Variants in NBEA observed in about 807,000 individuals in gnomAD.
NBEA encodes the protein neurobeachin, also known as lysosomal-trafficking regulator 2.
Under a neutral mutation model 343.4 loss-of-function variants are expected in NBEA, and 44 were observed. That is an observed-to-expected ratio of 0.13 (90% CI 0.10 to 0.16). NBEA has a LOEUF of 0.16. NBEA is among the 10% of genes least tolerant of loss of function. NBEA has a pLI of 1.00. For synonymous variants in NBEA, 1,175 were observed against 1,238.7 expected, an observed-to-expected ratio of 0.95 and a Z score of 1.08; for missense variants, 2,555 against 3,631.3, an observed-to-expected ratio of 0.70 and a Z score of 7.62.
chr13:35,429,725 G>A (rs2044960814), intron 38 of NBEA, among the ~76,000 whole-genome samples: 1 of 151,804 alleles, frequency 6.6e-6, no homozygotes, highest in African/African-American at 2.4e-5. Context: ...CCCATCACCT[G>A]AGCAGTGTAC....
At chr13:35,200,994 A>G (rs1438280205) in intron 31 of NBEA, among the ~76,000 whole-genome samples, 1 of 32,572 alleles carries the variant, frequency 3.1e-5, no homozygotes, top group Non-Finnish European at 7.5e-5. Context: ...GAAGACTTCA[A>G]TTTGTTCTTA....
At chr13:35,408,055 C>T (rs1415803872) in intron 38 of NBEA, among the ~76,000 whole-genome samples, 1 of 152,106 alleles carries the variant, frequency 6.6e-6, no homozygotes, top group African/African-American at 2.4e-5. Context: ...ATAGCCAATG[C>T]AATCATAAGC....
chr13:35,247,985 C>A (rs2031454842), intron 34 of NBEA, among the ~76,000 whole-genome samples: 2 of 152,072 alleles, frequency 1.3e-5, no homozygotes, highest in African/African-American at 2.4e-5. Context: ...CTATGAATAA[C>A]TTTATGCCAA....
intron 34 of NBEA, among the ~76,000 whole-genome samples, chr13:35,235,471 G>A (rs2075183233): frequency 6.6e-6 from 1 of 152,104 alleles, no homozygotes. Flanking sequence ...ATAAAACAGG[G>A]AATAAAGTTA....
intron 39 of NBEA, among the ~76,000 whole-genome samples, chr13:35,433,418 T>G (rs2045242863): frequency 6.6e-6 from 1 of 152,042 alleles, no homozygotes; most frequent in Non-Finnish European, 1.5e-5. Context: ...CATCTGTTTT[T>G]AAAATTTAAA....
At chr13:35,550,180 A>G (rs1384672147) in intron 41 of NBEA, among the ~76,000 whole-genome samples, 1 of 152,230 alleles carries the variant, frequency 6.6e-6, no homozygotes, top group Non-Finnish European at 1.5e-5. Context: ...TATGTCTCAC[A>G]GGTGGTCACC....
chr13:35,326,821 G>A (rs1594229202), intron 36 of NBEA, among the ~76,000 whole-genome samples: 1 of 151,888 alleles, frequency 6.6e-6, no homozygotes, highest in East Asian at 1.9e-4. Context: ...CCAGCACAGT[G>A]AAAGTAACTG....
rs1293230568 is a variant in NBEA, at chr13:35,159,452, C to T, written c.3281C>T (p.Ser1094Phe). Residue 1094 changes from serine (S) to phenylalanine (F), a missense_variant, in exon 22 of 59, where the codon TCT becomes TTT. By Grantham distance (155) the Ser-to-Phe change is radical. This residue lies in a region of NBEA where 367 missense variants were observed against 377.5 expected (regional missense o/e 0.97). Coordinates refer to ENST00000379939, the MANE Select transcript of NBEA (RefSeq NM_001385012.1). ...GENGALVEVE[S>F]LLDNVYSAAV... ...AATGGTGCCCTTGTGGAGGTTGAATCTCTGTTGGATAATGTATATAGTGCT... is the reference window on the plus strand; with the variant it reads ...AATGGTGCCCTTGTGGAGGTTGAATTTCTGTTGGATAATGTATATAGTGCT... 6.2e-7 allele frequency: 1 copy of T among 1,613,194 alleles called. No homozygotes were observed. Among genetic ancestry groups the T allele is most frequent in the East Asian group, 2.2e-5 (1 of 44,814 alleles).
chr13:34,972,710 T>C (rs2060038459), intron 1 of NBEA, among the ~76,000 whole-genome samples: 1 of 152,214 alleles, frequency 6.6e-6, no homozygotes, highest in Admixed American at 6.5e-5. Flanking sequence ...TTTCAATTCT[T>C]TTGCATTTCC....
intron 48 of NBEA, among the ~76,000 whole-genome samples, chr13:35,626,784 A>G (rs888686690): frequency 2.0e-5 from 3 of 151,024 alleles, no homozygotes; most frequent in African/African-American, 7.3e-5. Context: ...TTTCAGACTC[A>G]TTTCCTGTGT....
chr13:35,165,843 C>A (rs1170923360), intron 24 of NBEA, among the ~76,000 whole-genome samples: 1 of 151,884 alleles, frequency 6.6e-6, no homozygotes, highest in Admixed American at 6.6e-5. Context: ...CACCACCACA[C>A]CCAGCTAATT....
At position 35,253,321 on chromosome 13, in the gene NBEA, T is replaced by C. The variant is rs545766556; in HGVS notation, c.5776+20702T>C. Among the ~76,000 whole-genome samples, 60 of 152,364 alleles carry C rather than the reference T, an allele frequency of 3.9e-4. 1 individual carries two copies. The South Asian group carries it at 0.012, about 31-fold the overall frequency. ...TACTGGCACCACTTTTCCAAAAACG[T>C]GCTCACTTCGTGTCTCTTTGTTGGC... On this transcript the variant is annotated intron_variant, in intron 34 of 58. Transcript: ENST00000379939.
chr13:35,408,897 G>T (rs756937959), intron 38 of NBEA, among the ~76,000 whole-genome samples: 9 of 152,148 alleles, frequency 5.9e-5, no homozygotes, highest in Admixed American at 2.0e-4. Context: ...GTACATTGTG[G>T]GAGTGTAAGT....
At position 35,118,466 on chromosome 13, in the gene NBEA, TG is replaced by T; in HGVS notation, c.2237del (p.Gly746GlufsTer2). On this transcript the variant is annotated frameshift_variant, in exon 16 of 59. Transcript: ENST00000379939. LOFTEE classifies it high-confidence loss of function. ...TGATACCAGCATTTGATCAAAGAAA[TG>T]GAATAAGGTATGATTATAATATTAG... is the stretch of plus-strand genomic sequence containing the variant. ...SMIPAFDQRN[G>X]IRVIYKLLAS... 6.3e-7 allele frequency: 1 copy of T among 1,592,900 alleles called. No homozygotes were observed. Among genetic ancestry groups the T allele is most frequent in the South Asian group, 1.1e-5 (1 of 88,136 alleles).
intron 36 of NBEA, among the ~76,000 whole-genome samples, chr13:35,334,020 C>T (rs2039090338): frequency 6.6e-6 from 1 of 152,044 alleles, no homozygotes; most frequent in African/African-American, 2.4e-5. Context: ...GTGTAGATAA[C>T]TCTTCCGTAG....
rs1260096265 is a variant in NBEA at position 35,474,718 on chromosome 13, G to GC, written c.6585+2183dup. 2.2e-5 allele frequency: 5 copies of GC among 222,506 alleles called. No homozygotes were observed. In the Admixed American group the frequency reaches 2.6e-4, roughly 11 times the overall value. 13.8% of individuals were successfully genotyped at this position (222,506 alleles called of 1,614,324 possible). A position where few individuals can be genotyped will look rare whatever the true frequency, so the allele number is the denominator to read the frequency against. The stretch of plus-strand genomic sequence containing the variant: ...CAGATGCACCTAAATCACCAGGATT[G>GC]CTATAATCCTTTGATAGTTAGGCAG... On this transcript the variant is annotated intron_variant, in intron 41 of 58. Transcript: ENST00000379939.
chr13:35,069,826 T>C lies in NBEA; in HGVS notation c.1240-82T>C, dbSNP rs1429671779. Reference sequence around the variant, plus strand: ...GAAAGGTACACAAGTAGTTTATTATTGTAAATGTTTCTCTGCTTTAAAACT... The same window carrying C: ...GAAAGGTACACAAGTAGTTTATTATCGTAAATGTTTCTCTGCTTTAAAACT... On this transcript the variant is annotated intron_variant, in intron 8 of 58. Coordinates refer to ENST00000379939, the MANE Select transcript of NBEA (RefSeq NM_001385012.1). The C allele has an allele frequency of 1.0e-5, 10 of 974,102 alleles. No homozygotes were observed. In the Admixed American group the frequency reaches 2.7e-4, roughly 27 times the overall value. The allele number at this position is 974,102 out of a possible 1,614,324, so 60.3% of individuals were successfully genotyped here.
At chr13:35,217,149 T>C (rs1245453214) in intron 33 of NBEA, among the ~76,000 whole-genome samples, 1 of 151,990 alleles carries the variant, frequency 6.6e-6, no homozygotes, top group African/African-American at 2.4e-5. Flanking sequence ...CATCTTTTCT[T>C]GTGTTTATTT....
rs150804124 is a variant in NBEA at position 35,594,365 on chromosome 13, C to T, written c.7296+918C>T. 5.8e-3 allele frequency among the ~76,000 whole-genome samples: 882 copies of T among 152,088 alleles called. 4 individuals are homozygous for T. The highest frequency in any genetic ancestry group is 0.018 in the African/African-American group (742 of 41,504). ...TCTATTGCAAAACATTTGTAAAAGG[C>T]AATTTCAGTGTTACTGAACTGTAAT... On this transcript the variant is annotated intron_variant, in intron 47 of 58. Coordinates refer to ENST00000379939, the MANE Select transcript of NBEA (RefSeq NM_001385012.1).
Sources: gnomAD v4.1 joint callset for allele counts (sites outside exome capture counted in the v4.1 genomes callset) on GRCh38, gnomAD v4.1.1 for gene constraint, gnomAD v4.1.1 regional missense constraint, MANE v1.5 for transcripts, NCBI Gene and HGNC (gene_info 2026-07-23, HGNC 2026-07-21) for gene names.